BBS12: variants seen among roughly 807,000 people sequenced by gnomAD.
BBS12 encodes chaperonin-containing T-complex member BBS12.
In BBS12, 5 loss-of-function variants were observed where a neutral mutation model predicts 5.6. The observed-to-expected ratio is 0.89, with a 90% CI of 0.46 to 1.86. The LOEUF is 1.86. Among genes scored for constraint, BBS12 ranks in the 40% most tolerant of loss-of-function variants. The probability of loss-of-function intolerance (pLI) is 0.01; values close to 1 mark genes in which losing one functional copy is unlikely to be tolerated. For missense variants in BBS12, 748 were observed against 830.4 expected, an observed-to-expected ratio of 0.90 and a Z score of 1.22; for synonymous variants, 308 against 306.8, an observed-to-expected ratio of 1.00 and a Z score of -0.04.
At position 122,744,123 on chromosome 4, in the gene BBS12, A is replaced by G. The variant is rs1043750288; in HGVS notation, c.*98A>G. On this transcript the variant is annotated 3_prime_UTR_variant, in exon 2 of 2. Transcript: ENST00000314218. ...AGTCATGGTGCCTAAAATGCCAGCT[A>G]TTGCCAAGAAGAAAATAGTTGATGT... The G allele has an allele frequency of 7.9e-7, 1 of 1,259,250 alleles. No homozygotes were observed. Among genetic ancestry groups the G allele is most frequent in the African/African-American group, 1.5e-5 (1 of 66,530 alleles). 78.0% of individuals were successfully genotyped at this position (1,259,250 alleles called of 1,614,324 possible). A position where few individuals can be genotyped will look rare whatever the true frequency, so the allele number is the denominator to read the frequency against.
chr4:122,743,580 A>T lies in BBS12; in HGVS notation c.1688A>T (p.His563Leu), dbSNP rs745958967. ...GAGCAATCTCTGAAAAAAGAAAACC[A>T]TGCCTGCTCAGGGTGGCTGCATAAT... ...LAEQSLKKEN[H>L]ACSGWLHNTS... Residue 563 changes from histidine to leucine, a missense_variant, in exon 2 of 2, where the codon CAT becomes CTT. Coordinates refer to ENST00000314218, the MANE Select transcript of BBS12 (RefSeq NM_152618.3). The T allele has an allele frequency of 1.1e-5, 18 of 1,614,044 alleles. No individual in the cohort carries two copies. The South Asian group carries it at 2.0e-4, about 18-fold the overall frequency.
the BBS12 span, among the ~76,000 whole-genome samples, chr4:122,712,324 A>G: frequency 2.7e-4 from 41 of 152,238 alleles, no homozygotes; most frequent in Non-Finnish European, 4.6e-4. Context: ...AAGGAAGCCA[A>G]ATGTCATTCC....
At chr4:122,722,731 T>G in the BBS12 span, among the ~76,000 whole-genome samples, 5 of 152,210 alleles carry the variant, frequency 3.3e-5, no homozygotes, top group African/African-American at 1.2e-4. Context: ...CATCACAACC[T>G]TACTTTCAGC....
At chr4:122,721,930 T>C in the BBS12 span, among the ~76,000 whole-genome samples, 1 of 152,186 alleles carries the variant, frequency 6.6e-6, no homozygotes, top group Non-Finnish European at 1.5e-5. Context: ...TGGACATGCT[T>C]TAAAAACAGA....
chr4:122,718,148 A>G, the BBS12 span, among the ~76,000 whole-genome samples: 154 of 152,360 alleles, frequency 1.0e-3, no homozygotes, highest in Non-Finnish European at 1.9e-3. Flanking sequence ...TAAGCACTCA[A>G]TAACTGTTAC....
chr4:122,703,828 T>A, the BBS12 span, among the ~76,000 whole-genome samples: 1 of 152,190 alleles, frequency 6.6e-6, no homozygotes. Context: ...TTAATTAATT[T>A]ATTTATGCAT....
At chr4:122,722,814 T>G in the BBS12 span, among the ~76,000 whole-genome samples, 1 of 152,190 alleles carries the variant, frequency 6.6e-6, no homozygotes. Flanking sequence ...TTTTATATCT[T>G]CCTTTCCAGT....
chr4:122,722,747 A>G, the BBS12 span, among the ~76,000 whole-genome samples: 1 of 152,168 alleles, frequency 6.6e-6, no homozygotes, highest in Non-Finnish European at 1.5e-5. Flanking sequence ...TCAGCAATCT[A>G]TATAAATTCT....
intron 1 of BBS12, among the ~76,000 whole-genome samples, chr4:122,735,679 C>T (rs1009894932): frequency 3.9e-5 from 6 of 152,298 alleles, no homozygotes; most frequent in African/African-American, 1.2e-4. Context: ...GAAAAAAATT[C>T]ATTCACTTAC....
At chr4:122,706,172 C>T in the BBS12 span, among the ~76,000 whole-genome samples, 1 of 152,092 alleles carries the variant, frequency 6.6e-6, no homozygotes, top group African/African-American at 2.4e-5. Flanking sequence ...GTCTGCTCTG[C>T]ACTTTCTCTC....
chr4:122,734,355 T>G (rs1800754177), intron 1 of BBS12, among the ~76,000 whole-genome samples: 1 of 151,916 alleles, frequency 6.6e-6, no homozygotes, highest in Admixed American at 6.6e-5. Flanking sequence ...AAGCTCCACC[T>G]CCCGGGTTCT....
In BBS12 at chr4:122,744,077, T is replaced by C; in HGVS notation, c.*52T>C. On this transcript the variant is annotated 3_prime_UTR_variant, in exon 2 of 2. Transcript: ENST00000314218. ...AATTTTTCATAATATGTCATGCTAA[T>C]AATAAATATATTGATAGCCAAGTCA... is the stretch of plus-strand genomic sequence containing the variant. 1.3e-6 allele frequency: 2 copies of C among 1,537,898 alleles called. No homozygotes were observed. The highest frequency in any genetic ancestry group is 1.8e-6 in the Non-Finnish European group (2 of 1,113,176).
intron 1 of BBS12, chr4:122,733,859 C>CTTTTTTTTTTTTTTTT (rs35729794): frequency 5.1e-5 from 5 of 97,152 alleles, no homozygotes; most frequent in Admixed American, 1.2e-4. Context: ...TAACTTTAGT[C>CTTTTTTTTTTTTTTTT]TTTTTTTTTT....
chr4:122,716,687 A>T, the BBS12 span, among the ~76,000 whole-genome samples: 1 of 87,928 alleles, frequency 1.1e-5, no homozygotes, highest in Non-Finnish European at 2.3e-5. Flanking sequence ...ATATACACAT[A>T]TGTGTATGTG....
At chr4:122,715,729 C>T in the BBS12 span, among the ~76,000 whole-genome samples, 1 of 151,966 alleles carries the variant, frequency 6.6e-6, no homozygotes, top group African/African-American at 2.4e-5. Flanking sequence ...TAAAAGAAAC[C>T]TACACATTTC....
Position 122,743,923 on chromosome 4 carries a change from G to C in BBS12, c.2031G>C (p.Leu677Phe). ...AGATTGAGGCGTGGCGCCGAGCATT[G>C]GATTTAGTATTGTTAGTACTTCAGA... ...TPKIEAWRRA[L>F]DLVLLVLQTD... is the part of the protein sequence containing the mutation. Residue 677 changes from leucine (L) to phenylalanine (F), a missense_variant, in exon 2 of 2, where the codon TTG becomes TTC. Leu to Phe is a conservative substitution (Grantham distance 22, BLOSUM62 0). Coordinates refer to ENST00000314218, the MANE Select transcript of BBS12 (RefSeq NM_152618.3). The C allele has an allele frequency of 6.2e-7, 1 of 1,608,754 alleles. No homozygotes were observed. Among genetic ancestry groups the C allele is most frequent in the Non-Finnish European group, 8.5e-7 (1 of 1,177,488 alleles).
Position 122,742,975 on chromosome 4 carries a change from T to TG in BBS12, c.1084dup (p.Asp362GlyfsTer12). 1.2e-6 allele frequency: 2 copies of TG among 1,614,164 alleles called. No homozygotes were observed. Among genetic ancestry groups the TG allele is most frequent in the Non-Finnish European group, 1.7e-6 (2 of 1,179,970 alleles). On this transcript the variant is annotated frameshift_variant, in exon 2 of 2. Transcript: ENST00000314218. LOFTEE classifies it low-confidence loss of function (END_TRUNC). ...CTGTGCGAATAGTTCTCATTGAGGG[T>TG]GACCTCACAGAGAATTACCGCCACC...
chr4:122,718,709 G>A, the BBS12 span, among the ~76,000 whole-genome samples: 2 of 147,098 alleles, frequency 1.4e-5, no homozygotes, highest in African/African-American at 2.6e-5. Context: ...ACAGGGATTC[G>A]ATGTGAAATG....
chr4:122,718,128 TA>T, the BBS12 span, among the ~76,000 whole-genome samples: 1 of 152,186 alleles, frequency 6.6e-6, no homozygotes, highest in African/African-American at 2.4e-5. Context: ...GAACAGTGCA[TA>T]AAACATAGTA....
Sources: allele counts gnomAD v4.1 joint callset (sites outside exome capture counted in the v4.1 genomes callset), GRCh38; gene constraint gnomAD v4.1.1; transcripts MANE v1.5; gene names NCBI Gene and HGNC (gene_info 2026-07-23, HGNC 2026-07-21).